Variants in FBXL17 observed in about 807,000 individuals in gnomAD.
The protein encoded by FBXL17 is F-box/LRR-repeat protein 17.
A neutral mutation model predicts 66.2 loss-of-function variants in FBXL17; 22 were observed. The ratio of observed to expected loss-of-function variants is 0.33; its 90% CI spans 0.24 to 0.47. The LOEUF is 0.47. Among genes scored for constraint, FBXL17 ranks in the 20% least tolerant of loss-of-function variants. The pLI, the probability that FBXL17 is intolerant of heterozygous loss-of-function variation, is 1.00. For missense variants in FBXL17, 878 were observed against 948.2 expected (o/e 0.93, Z 0.97); for synonymous variants, 474 against 400.5 (o/e 1.18, Z -2.19).
At chr5:108,287,027 G>A (rs1243536476) in intron 4 of FBXL17, among the ~76,000 whole-genome samples, 1 of 151,774 alleles carries the variant, frequency 6.6e-6, no homozygotes, top group African/African-American at 2.4e-5. Flanking sequence ...CAAGCAATGG[G>A]AAAAAAGACT....
chr5:107,872,354 TCTTA>T (rs1182727870), intron 8 of FBXL17, among the ~76,000 whole-genome samples: 4 of 152,208 alleles, frequency 2.6e-5, no homozygotes, highest in Non-Finnish European at 5.9e-5. Context: ...GGGGAAGCTT[TCTTA>T]CTTATTTATT....
chr5:107,970,920 A>C (rs1331877571), intron 7 of FBXL17, among the ~76,000 whole-genome samples: 3 of 152,202 alleles, frequency 2.0e-5, no homozygotes, highest in Non-Finnish European at 4.4e-5. Context: ...GCGTCAGTTA[A>C]GTAGAAAATT....
chr5:108,055,138 T>G (rs185144397), intron 6 of FBXL17, among the ~76,000 whole-genome samples: 1 of 152,050 alleles, frequency 6.6e-6, no homozygotes, highest in East Asian at 1.9e-4. Context: ...AAATTCAATA[T>G]TGTTCCTCTT....
Position 108,096,318 on chromosome 5 carries a change from T to C in FBXL17, c.1746-75317A>G, listed in dbSNP as rs574552926. Among the ~76,000 whole-genome samples, 12 of 152,314 alleles carry C rather than the reference T, an allele frequency of 7.9e-5. No homozygotes were observed. The East Asian group carries it at 2.3e-3, about 29-fold the overall frequency. ...TGTGCAAATAGAAAATATAGTGTTTTTCAGACATGAGCATAACAGCTCTCA... is the reference window on the plus strand; with the variant it reads ...TGTGCAAATAGAAAATATAGTGTTTCTCAGACATGAGCATAACAGCTCTCA... On this transcript the variant is annotated intron_variant, in intron 6 of 8. Transcript: ENST00000542267.
intron 4 of FBXL17, among the ~76,000 whole-genome samples, chr5:108,285,311 C>A (rs572470559): frequency 1.1e-4 from 16 of 151,962 alleles, no homozygotes; most frequent in South Asian, 2.1e-4. Flanking sequence ...ATATTTTGGC[C>A]TCCTCCCATG....
At chr5:107,940,789 C>T (rs147891336) in intron 7 of FBXL17, among the ~76,000 whole-genome samples, 1 of 152,212 alleles carries the variant, frequency 6.6e-6, no homozygotes, top group East Asian at 1.9e-4. Flanking sequence ...AAAAGGCAGG[C>T]GTTCTCAAAC....
chr5:108,110,717 G>C (rs1017935133), intron 6 of FBXL17, among the ~76,000 whole-genome samples: 1 of 151,616 alleles, frequency 6.6e-6, no homozygotes, highest in Non-Finnish European at 1.5e-5. Flanking sequence ...TCCTACTGCA[G>C]CTTTCTTTCT....
chr5:107,879,743 C>G, intron 8 of FBXL17: 2 of 985,406 alleles, frequency 2.0e-6, no homozygotes, highest in Non-Finnish European at 2.4e-6. Context: ...TGTTCCTAAT[C>G]ACCATTTACA....
At chr5:108,331,799 T>C (rs1760136032) in intron 4 of FBXL17, among the ~76,000 whole-genome samples, 1 of 152,156 alleles carries the variant, frequency 6.6e-6, no homozygotes, top group Admixed American at 6.6e-5. Context: ...TCACAGGAAT[T>C]GCTAAAATTG....
chr5:108,160,357 T>C (rs996879240), intron 6 of FBXL17, among the ~76,000 whole-genome samples: 1 of 152,224 alleles, frequency 6.6e-6, no homozygotes, highest in Admixed American at 6.5e-5. Context: ...TGTAGCTTTT[T>C]CCTACTTTAA....
intron 4 of FBXL17, among the ~76,000 whole-genome samples, chr5:108,312,048 T>C (rs1759145137): frequency 6.6e-6 from 1 of 152,172 alleles, no homozygotes; most frequent in African/African-American, 2.4e-5. Flanking sequence ...GACAGAAATG[T>C]GTCTTTGAGA....
chr5:108,075,147 T>C (rs1748493451), intron 6 of FBXL17, among the ~76,000 whole-genome samples: 1 of 152,196 alleles, frequency 6.6e-6, no homozygotes, highest in African/African-American at 2.4e-5. Flanking sequence ...CTGCAAATAC[T>C]TTGTTGGCTC....
At chr5:108,061,209 C>A (rs1322220642) in intron 6 of FBXL17, among the ~76,000 whole-genome samples, 1 of 152,026 alleles carries the variant, frequency 6.6e-6, no homozygotes, top group Non-Finnish European at 1.5e-5. Context: ...ATCACTTGAA[C>A]CTGGGAGGCT....
chr5:108,378,851 G>A (rs572455279), intron 1 of FBXL17, among the ~76,000 whole-genome samples: 5 of 152,324 alleles, frequency 3.3e-5, no homozygotes, highest in African/African-American at 1.2e-4. Flanking sequence ...AAAAACTGGG[G>A]TTGGCAGACA....
chr5:107,886,051 G>A (rs1159210252), intron 7 of FBXL17, among the ~76,000 whole-genome samples: 1 of 152,110 alleles, frequency 6.6e-6, no homozygotes, highest in East Asian at 1.9e-4. Context: ...TGCCAAAGGG[G>A]ATAGGAATTA....
rs1405838777 is a variant in FBXL17 at position 108,288,303 on chromosome 5, G to GA, written c.1506+60095dup. 8.7e-3 allele frequency among the ~76,000 whole-genome samples: 1,209 copies of GA among 139,198 alleles called. 43 individuals are homozygous for GA. The highest frequency in any genetic ancestry group is 0.065 in the Admixed American group (911 of 13,978). 91.3% of individuals were successfully genotyped at this position (139,198 alleles called of 152,430 possible). A position where few individuals can be genotyped will look rare whatever the true frequency, so the allele number is the denominator to read the frequency against. ...CAAAAAAAGCTGAAGGTAACATTTA[G>GA]AAAAAAAAAAAAGTTGTGAGAGTTA... On this transcript the variant is annotated intron_variant, in intron 4 of 8. Coordinates refer to ENST00000542267, the MANE Select transcript of FBXL17 (RefSeq NM_001163315.3).
At chr5:108,065,838 A>G (rs1395492345) in intron 6 of FBXL17, among the ~76,000 whole-genome samples, 1 of 152,172 alleles carries the variant, frequency 6.6e-6, no homozygotes, top group African/African-American at 2.4e-5. Flanking sequence ...AGAAACTGTA[A>G]AAAGAGTAAA....
At chr5:108,019,513 A>G (rs1377829123) in intron 7 of FBXL17, among the ~76,000 whole-genome samples, 1 of 152,108 alleles carries the variant, frequency 6.6e-6, no homozygotes, top group Non-Finnish European at 1.5e-5. Flanking sequence ...CTACCTGACA[A>G]TTGGCAGTGA....
At chr5:108,287,616 C>A (rs1453822339) in intron 4 of FBXL17, among the ~76,000 whole-genome samples, 1 of 151,834 alleles carries the variant, frequency 6.6e-6, no homozygotes, top group Admixed American at 6.6e-5. Context: ...AAATAAACAA[C>A]AGGTGTTGGT....
Sources: gnomAD v4.1 joint callset for allele counts (sites outside exome capture counted in the v4.1 genomes callset) on GRCh38, gnomAD v4.1.1 for gene constraint, MANE v1.5 for transcripts, NCBI Gene and HGNC (gene_info 2026-07-23, HGNC 2026-07-21) for gene names.